Variants in POU2F1 observed in about 807,000 individuals in gnomAD.
POU2F1 encodes the protein POU class 2 homeobox 1.
A neutral mutation model predicts 84.9 loss-of-function variants in POU2F1; 16 were observed. The ratio of observed to expected loss-of-function variants is 0.19; its 90% CI spans 0.13 to 0.29. The LOEUF is 0.29. Among genes scored for constraint, POU2F1 ranks in the 10% least tolerant of loss-of-function variants. The probability of loss-of-function intolerance (pLI) is 1.00; values close to 1 mark genes in which losing one functional copy is unlikely to be tolerated. For missense variants in POU2F1, 738 were observed against 942.6 expected, an observed-to-expected ratio of 0.78 and a Z score of 2.84; for synonymous variants, 368 against 368.3, an observed-to-expected ratio of 1.00 and a Z score of 0.01.
chr1:167,261,627 C>T (rs1651574655), intron 1 of POU2F1, among the ~76,000 whole-genome samples: 1 of 152,204 alleles, frequency 6.6e-6, no homozygotes, highest in Non-Finnish European at 1.5e-5. Context: ...TTTCCCATGG[C>T]ACTTGTTATC....
intron 1 of POU2F1, among the ~76,000 whole-genome samples, chr1:167,253,486 T>C (rs537558195): frequency 1.1e-3 from 166 of 150,728 alleles, no homozygotes; most frequent in African/African-American, 3.9e-3. Context: ...AGTGCAGTGG[T>C]GCTATCTTGG....
intron 2 of POU2F1, among the ~76,000 whole-genome samples, chr1:167,344,392 T>C (rs186756084): frequency 6.6e-6 from 1 of 152,138 alleles, no homozygotes; most frequent in African/African-American, 2.4e-5. Context: ...AGATTTTAGT[T>C]AAGTGGTTTG....
At chr1:167,397,879 C>A in intron 10 of POU2F1, 115 bp from the exon 11 acceptor site, 2 of 1,128,100 alleles carry the variant, frequency 1.8e-6, no homozygotes, top group Admixed American at 2.6e-5. Context: ...TATGTGAAAA[C>A]CTTTTCATAC....
chr1:167,394,021 TTTTA>T (rs869236038), intron 9 of POU2F1, among the ~76,000 whole-genome samples: 74 of 149,446 alleles, frequency 5.0e-4, no homozygotes, highest in African/African-American at 1.7e-3. Flanking sequence ...TTTTATTTTA[TTTTA>T]TTTATTTTTT....
chr1:167,392,094 A>G (rs1441361187), intron 9 of POU2F1, among the ~76,000 whole-genome samples: 1 of 152,202 alleles, frequency 6.6e-6, no homozygotes, highest in African/African-American at 2.4e-5. Flanking sequence ...TCACACCTGT[A>G]ATCCCAGCAC....
At chr1:167,288,839 A>G (rs543476305) in intron 1 of POU2F1, among the ~76,000 whole-genome samples, 132 of 152,316 alleles carry the variant, frequency 8.7e-4, no homozygotes, top group Middle Eastern at 3.4e-3. Context: ...TTTCCGTTCA[A>G]AATGTTCTCA....
At chr1:167,262,436 G>T (rs1651633717) in intron 1 of POU2F1, among the ~76,000 whole-genome samples, 1 of 152,186 alleles carries the variant, frequency 6.6e-6, no homozygotes, top group Admixed American at 6.5e-5. Context: ...AATTTATTCA[G>T]TGTACTTTGT....
intron 1 of POU2F1, among the ~76,000 whole-genome samples, chr1:167,276,975 C>T (rs1487883233): frequency 6.6e-6 from 1 of 152,152 alleles, no homozygotes; most frequent in African/African-American, 2.4e-5. Flanking sequence ...TTGTTGCATT[C>T]TACTGCCAGT....
chr1:167,242,969 T>C (rs1397445068), intron 1 of POU2F1, among the ~76,000 whole-genome samples: 1 of 151,866 alleles, frequency 6.6e-6, no homozygotes, highest in Non-Finnish European at 1.5e-5. Flanking sequence ...CCCCGCTTTC[T>C]TTCTTATTTC....
At chr1:167,235,912 C>T (rs551799176) in intron 1 of POU2F1, among the ~76,000 whole-genome samples, 16 of 152,268 alleles carry the variant, frequency 1.1e-4, no homozygotes, top group African/African-American at 3.8e-4. Context: ...CATAAACTTT[C>T]TTTAACAGAA....
Position 167,425,653 on chromosome 1 carries a change from C to T in POU2F1, c.*9843C>T, listed in dbSNP as rs1422396855. The T allele has an allele frequency of 6.6e-6, 1 of 152,644 alleles. No individual in the cohort carries two copies. Among genetic ancestry groups the T allele is most frequent in the East Asian group, 1.9e-4 (1 of 5,206 alleles). The allele number at this position is 152,644 out of a possible 1,614,324, so 9.5% of individuals were successfully genotyped here. On this transcript the variant is annotated 3_prime_UTR_variant, in exon 16 of 16. Transcript: ENST00000367866. The stretch of plus-strand genomic sequence containing the variant: ...GGGTGGGAGCTGCTGCTGGACTGGC[C>T]CGAGGACTCCACAGAGTGGGGGACG...
chr1:167,384,297 T>C (rs1647794102), intron 8 of POU2F1, among the ~76,000 whole-genome samples: 1 of 152,206 alleles, frequency 6.6e-6, no homozygotes, highest in Non-Finnish European at 1.5e-5. Flanking sequence ...TGTTACCCTT[T>C]ACCCTTTCTC....
Position 167,237,763 on chromosome 1 carries a change from TATATA to T in POU2F1, c.61+16806_61+16810del, listed in dbSNP as rs1649588208. Among the ~76,000 whole-genome samples the T allele has an allele frequency of 5.7e-3, 236 of 41,652 alleles. 9 individuals carry two copies. The highest frequency in any genetic ancestry group is 7.0e-3 in the Admixed American group (16 of 2,286). The allele number at this position is 41,652 out of a possible 152,430, so 27.3% of individuals were successfully genotyped here. On this transcript the variant is annotated intron_variant, in intron 1 of 15. Coordinates refer to ENST00000367866, the MANE Select transcript of POU2F1 (RefSeq NM_002697.4). ...GTGTGTGTGTATATATATATATATA[TATATA>T]TATATTTTTTTTTTTTTTTTTTTTT...
chr1:167,364,871 G>A (rs1410060502), intron 2 of POU2F1, among the ~76,000 whole-genome samples: 1 of 151,980 alleles, frequency 6.6e-6, no homozygotes, highest in Non-Finnish European at 1.5e-5. Context: ...ACCCAGCCTC[G>A]CATAACATTT....
At position 167,278,005 on chromosome 1, in the gene POU2F1, G is replaced by A. The variant is rs544787784; in HGVS notation, c.62-54465G>A. On this transcript the variant is annotated intron_variant, in intron 1 of 15. Transcript: ENST00000367866. ...AATTTGTTCTGTACACTGAAGCTAG[G>A]GTACTGTATCCTATGAAAACACAAA... Among the ~76,000 whole-genome samples, 11 of 152,096 alleles carry A rather than the reference G, an allele frequency of 7.2e-5. No homozygotes were observed. In the South Asian group the frequency reaches 2.1e-3, roughly 29 times the overall value.
intron 1 of POU2F1, among the ~76,000 whole-genome samples, chr1:167,230,015 C>T (rs1020145563): frequency 2.0e-5 from 3 of 152,202 alleles, no homozygotes; most frequent in Non-Finnish European, 4.4e-5. Flanking sequence ...ATTTCTACCA[C>T]AAATACAGCA....
chr1:167,333,493 G>A (rs1010684898), intron 2 of POU2F1, among the ~76,000 whole-genome samples: 3 of 152,194 alleles, frequency 2.0e-5, no homozygotes, highest in African/African-American at 7.2e-5. Flanking sequence ...GCAATGGTAA[G>A]AGTGAGAGGC....
At chr1:167,297,870 A>G (rs1418754999) in intron 1 of POU2F1, among the ~76,000 whole-genome samples, 1 of 152,184 alleles carries the variant, frequency 6.6e-6, no homozygotes, top group Non-Finnish European at 1.5e-5. Context: ...ACTTTTAACC[A>G]GTAGAGCAAG....
intron 13 of POU2F1, among the ~76,000 whole-genome samples, chr1:167,406,162 C>T (rs939507436): frequency 1.3e-5 from 2 of 152,042 alleles, no homozygotes; most frequent in African/African-American, 4.8e-5. Context: ...CTGAAAAAAT[C>T]GAACGATTAT....
Sources: gnomAD v4.1 joint callset for allele counts (sites outside exome capture counted in the v4.1 genomes callset) on GRCh38, gnomAD v4.1.1 for gene constraint, MANE v1.5 for transcripts, NCBI Gene and HGNC (gene_info 2026-07-23, HGNC 2026-07-21) for gene names.